Variants in NLRP14 observed in about 807,000 individuals in gnomAD.
NLRP14 encodes the protein NACHT, LRR and PYD domains-containing protein 14.
NLRP14 carries 105 observed loss-of-function variants against 94.7 expected under a neutral mutation model. The observed-to-expected ratio is 1.11, with a 90% CI of 0.95 to 1.30. The LOEUF is 1.30. NLRP14 is among the 50% of genes most tolerant of loss of function. The pLI is 0.00. For synonymous variants in NLRP14, 508 were observed against 459.9 expected (o/e 1.10, Z -1.34); for missense variants, 1,362 against 1,254.1 (o/e 1.09, Z -1.30).
intron 1 of NLRP14, among the ~76,000 whole-genome samples, chr11:7,037,385 A>C (rs571734824): frequency 6.6e-6 from 1 of 152,216 alleles, no homozygotes; most frequent in Admixed American, 6.5e-5. Context: ...TCTCCCTTCT[A>C]TATACTTTTA....
intron 6 of NLRP14, among the ~76,000 whole-genome samples, chr11:7,053,034 AC>A (rs1178280710): frequency 1.3e-5 from 2 of 152,192 alleles, no homozygotes; most frequent in Non-Finnish European, 2.9e-5. Context: ...GTTTAAGTGA[AC>A]TATCCTTTAA....
At chr11:7,056,040 A>C (rs962935313) in intron 6 of NLRP14, among the ~76,000 whole-genome samples, 3 of 152,028 alleles carry the variant, frequency 2.0e-5, no homozygotes, top group African/African-American at 7.2e-5. Flanking sequence ...TTTTGATTGA[A>C]TCACTGGTGA....
At chr11:7,045,962 G>A (rs1002300381) in intron 4 of NLRP14, among the ~76,000 whole-genome samples, 4 of 152,154 alleles carry the variant, frequency 2.6e-5, no homozygotes, top group African/African-American at 9.7e-5. Flanking sequence ...GTGAGTGGCA[G>A]TGTTGAATTG....
At chr11:7,066,518 T>C (rs1456803781) in intron 10 of NLRP14, among the ~76,000 whole-genome samples, 1 of 152,240 alleles carries the variant, frequency 6.6e-6, no homozygotes, top group African/African-American at 2.4e-5. Flanking sequence ...TTTTGAGAAG[T>C]GTCTGTTCAT....
intron 6 of NLRP14, among the ~76,000 whole-genome samples, chr11:7,056,414 C>T (rs1307457765): frequency 2.7e-5 from 4 of 149,582 alleles, no homozygotes. Context: ...CTCTTCTTTG[C>T]AGCTGCAAGG....
downstream of NLRP14, among the ~76,000 whole-genome samples, chr11:7,073,043 A>G (rs887256080): frequency 6.6e-6 from 1 of 152,042 alleles, no homozygotes. Flanking sequence ...TATCTGTCTA[A>G]CTACCTACTC....
At chr11:7,048,977 A>C (rs1346297423) in intron 5 of NLRP14, among the ~76,000 whole-genome samples, 1 of 111,372 alleles carries the variant, frequency 9.0e-6, no homozygotes, top group Non-Finnish European at 1.7e-5. Context: ...TAAAGGCTTT[A>C]TTTTCCTGTG....
the NLRP14 span, among the ~76,000 whole-genome samples, chr11:7,083,666 G>A: frequency 2.0e-5 from 3 of 152,268 alleles, no homozygotes; most frequent in Non-Finnish European, 4.4e-5. Flanking sequence ...AGGTGCAAGA[G>A]GAATATGTCT....
intron 1 of NLRP14, among the ~76,000 whole-genome samples, chr11:7,034,505 G>A (rs1852136097): frequency 6.6e-6 from 1 of 152,118 alleles, no homozygotes; most frequent in South Asian, 2.1e-4. Flanking sequence ...ATCTCCAATT[G>A]TAGTAGTTAA....
chr11:7,045,822 C>A (rs1852339623), intron 4 of NLRP14, among the ~76,000 whole-genome samples: 1 of 151,748 alleles, frequency 6.6e-6, no homozygotes, highest in Non-Finnish European at 1.5e-5. Flanking sequence ...ATTTGCTAAG[C>A]ATTTTCTACA....
At chr11:7,090,369 T>C in the NLRP14 span, 1 of 1,494,600 alleles carries the variant, frequency 6.7e-7, no homozygotes, top group Non-Finnish European at 9.1e-7. Flanking sequence ...TGTTGTATGG[T>C]AACTACCCAA....
At chr11:7,046,071 TAATTA>T (rs967527129) in intron 4 of NLRP14, among the ~76,000 whole-genome samples, 19 of 152,190 alleles carry the variant, frequency 1.2e-4, no homozygotes, top group Non-Finnish European at 2.2e-4. Flanking sequence ...ATATTCCTAA[TAATTA>T]AATTATAAAG....
At chr11:7,079,057 G>A in the NLRP14 span, among the ~76,000 whole-genome samples, 1 of 152,194 alleles carries the variant, frequency 6.6e-6, no homozygotes, top group Non-Finnish European at 1.5e-5. Context: ...TATACCCTGA[G>A]GAGATAGGGA....
chr11:7,047,134 G>T (rs1383064829), intron 5 of NLRP14, among the ~76,000 whole-genome samples: 1 of 152,084 alleles, frequency 6.6e-6, no homozygotes, highest in East Asian at 1.9e-4. Context: ...TCAAGGACAT[G>T]TTCTGGAACT....
chr11:7,045,970 T>C (rs1852342555), intron 4 of NLRP14, among the ~76,000 whole-genome samples: 1 of 152,166 alleles, frequency 6.6e-6, no homozygotes, highest in African/African-American at 2.4e-5. Flanking sequence ...CAGTGTTGAA[T>C]TGGGACTCAG....
chr11:7,021,665 G>C (rs982175323), intron 1 of NLRP14, among the ~76,000 whole-genome samples: 4 of 151,840 alleles, frequency 2.6e-5, no homozygotes, highest in African/African-American at 9.7e-5. Flanking sequence ...GTAAGTTTTA[G>C]GGTACATGTG....
chr11:7,029,821 T>C (rs1852066378), intron 1 of NLRP14, among the ~76,000 whole-genome samples: 1 of 152,190 alleles, frequency 6.6e-6, no homozygotes, highest in South Asian at 2.1e-4. Flanking sequence ...GTTATCCTTT[T>C]GAGGTAGTTT....
upstream of NLRP14, chr11:7,020,449 TC>T (rs1851897905): frequency 6.6e-6 from 1 of 152,132 alleles, no homozygotes; most frequent in Admixed American, 6.5e-5. Flanking sequence ...GCCAGAAGTA[TC>T]CCGCGCCTCC....
intron 1 of NLRP14, among the ~76,000 whole-genome samples, chr11:7,024,231 G>A (rs1851984243): frequency 6.6e-6 from 1 of 152,122 alleles, no homozygotes; most frequent in African/African-American, 2.4e-5. Flanking sequence ...AGGGATGCTT[G>A]GAGCCATGGT....
Sources: allele counts gnomAD v4.1 joint callset (sites outside exome capture counted in the v4.1 genomes callset), GRCh38; gene constraint gnomAD v4.1.1; transcripts MANE v1.5; gene names NCBI Gene and HGNC (gene_info 2026-07-23, HGNC 2026-07-21).